Variants in DPF3 observed in about 807,000 individuals in gnomAD.
The protein encoded by DPF3 is zinc finger protein DPF3.
A neutral mutation model predicts 56.8 loss-of-function variants in DPF3; 18 were observed. The ratio of observed to expected loss-of-function variants is 0.32; its 90% confidence interval spans 0.22 to 0.47. The LOEUF (loss-of-function observed/expected upper bound fraction) is 0.47, where lower values mean the gene tolerates loss of function less well. Among genes scored for constraint, DPF3 ranks in the 20% least tolerant of loss-of-function variants. The probability of loss-of-function intolerance (pLI) is 1.00; values close to 1 mark genes in which losing one functional copy is unlikely to be tolerated. For synonymous variants in DPF3, 188 were observed against 180.2 expected (o/e 1.04, Z -0.35); for missense variants, 403 against 488.8 (o/e 0.82, Z 1.65).
At chr14:72,708,672 T>G (rs1888522280) in intron 6 of DPF3, among the ~76,000 whole-genome samples, 1 of 152,164 alleles carries the variant, frequency 6.6e-6, no homozygotes, top group Non-Finnish European at 1.5e-5. Flanking sequence ...CAGGGTAGTT[T>G]GAAAGAGGTT....
intron 1 of DPF3, 110 bp from the exon 2 acceptor site, chr14:72,772,003 A>G: frequency 2.5e-6 from 3 of 1,220,400 alleles, no homozygotes; most frequent in Non-Finnish European, 3.2e-6. Context: ...AAGACCTCCC[A>G]GTTATGAAGA....
chr14:72,670,426 C>T (rs1886618593), intron 8 of DPF3: 2 of 985,876 alleles, frequency 2.0e-6, no homozygotes, highest in South Asian at 4.7e-5. Context: ...CAGGCATAGG[C>T]ACCCCGACTT....
At chr14:72,800,377 A>AATGGATAGATGGATGGATGG (rs1326428990) in intron 1 of DPF3, among the ~76,000 whole-genome samples, 34 of 18,106 alleles carry the variant, frequency 1.9e-3, no homozygotes, top group Admixed American at 4.7e-3. Context: ...TAAATAGATA[A>AATGGATAGATGGATGGATGG]ATGGATGGAT....
intron 2 of DPF3, among the ~76,000 whole-genome samples, chr14:72,770,103 GC>G (rs1891459692): frequency 6.6e-6 from 1 of 152,156 alleles, no homozygotes; most frequent in Non-Finnish European, 1.5e-5. Context: ...ATGAAGGGCT[GC>G]TAACATCAGT....
intron 9 of DPF3, 60 bp from the exon 10 acceptor site, chr14:72,620,044 T>C: frequency 6.8e-7 from 1 of 1,461,536 alleles, no homozygotes; most frequent in South Asian, 1.4e-5. Context: ...GGCCAATGTC[T>C]GGCCCCCGCT....
At chr14:72,742,180 G>A (rs958893365) in intron 3 of DPF3, among the ~76,000 whole-genome samples, 5 of 152,214 alleles carry the variant, frequency 3.3e-5, no homozygotes, top group South Asian at 2.1e-4. Flanking sequence ...CAGAGCTGAC[G>A]AAGCTGCCGG....
intron 1 of DPF3, among the ~76,000 whole-genome samples, chr14:72,859,367 C>A (rs1379196159): frequency 6.6e-6 from 1 of 152,062 alleles, no homozygotes; most frequent in Non-Finnish European, 1.5e-5. Context: ...AAGCTAAGCA[C>A]CCAGCTGGCA....
intron 1 of DPF3, among the ~76,000 whole-genome samples, chr14:72,864,369 C>A (rs750613183): frequency 6.6e-6 from 1 of 152,226 alleles, no homozygotes; most frequent in Non-Finnish European, 1.5e-5. Context: ...TCTGCCACAG[C>A]ATTTACACTT....
chr14:72,633,562 GA>G (rs1421962484), intron 8 of DPF3, among the ~76,000 whole-genome samples: 1 of 152,170 alleles, frequency 6.6e-6, no homozygotes, highest in East Asian at 1.9e-4. Context: ...GAGGTTTCAA[GA>G]AGGAGAAGGT....
chr14:72,796,666 C>T (rs956069333), intron 1 of DPF3, among the ~76,000 whole-genome samples: 2 of 152,120 alleles, frequency 1.3e-5, no homozygotes, highest in African/African-American at 4.8e-5. Context: ...TCATTGAATC[C>T]TAATAACAAC....
intron 1 of DPF3, among the ~76,000 whole-genome samples, chr14:72,785,635 TTTTC>T (rs1376855628): frequency 1.3e-5 from 2 of 152,236 alleles, no homozygotes; most frequent in African/African-American, 4.8e-5. Flanking sequence ...TAGCTATTTC[TTTTC>T]TTTGTGCCTC....
At chr14:72,734,726 G>A (rs1054024640) in intron 3 of DPF3, among the ~76,000 whole-genome samples, 1 of 151,998 alleles carries the variant, frequency 6.6e-6, no homozygotes, top group Non-Finnish European at 1.5e-5. Context: ...GAAAAGTTAA[G>A]TAACCACCAA....
chr14:72,807,921 C>T (rs868438835), intron 1 of DPF3, among the ~76,000 whole-genome samples: 24 of 152,102 alleles, frequency 1.6e-4, no homozygotes, highest in Admixed American at 9.2e-4. Context: ...GTTATGATCA[C>T]GCCACTGCAT....
intron 8 of DPF3, among the ~76,000 whole-genome samples, chr14:72,672,571 C>T (rs546597671): frequency 2.6e-5 from 4 of 152,258 alleles, no homozygotes; most frequent in African/African-American, 7.2e-5. Flanking sequence ...GTGAGAATAC[C>T]TAGGCTGGTA....
chr14:72,711,877 T>C (rs1182140354), intron 6 of DPF3, among the ~76,000 whole-genome samples: 1 of 151,852 alleles, frequency 6.6e-6, no homozygotes, highest in Admixed American at 6.6e-5. Flanking sequence ...CCTCTCTACT[T>C]AGGATGCATT....
At chr14:72,682,197 A>G (rs1887192733) in intron 7 of DPF3, among the ~76,000 whole-genome samples, 1 of 150,410 alleles carries the variant, frequency 6.6e-6, no homozygotes, top group African/African-American at 2.5e-5. Context: ...CTGGGCAACA[A>G]GAGTAAGACT....
At chr14:72,781,447 C>T (rs758042395) in intron 1 of DPF3, among the ~76,000 whole-genome samples, 2 of 152,164 alleles carry the variant, frequency 1.3e-5, no homozygotes, top group Admixed American at 6.5e-5. Flanking sequence ...ATCATGACTT[C>T]GATGTGGCTC....
intron 1 of DPF3, among the ~76,000 whole-genome samples, chr14:72,786,078 T>C (rs1016499424): frequency 6.6e-6 from 1 of 152,004 alleles, no homozygotes; most frequent in Non-Finnish European, 1.5e-5. Flanking sequence ...CCTGGCCAAC[T>C]TGGTGAAACT....
At chr14:72,835,681 C>T (rs1156790274) in intron 1 of DPF3, among the ~76,000 whole-genome samples, 1 of 152,154 alleles carries the variant, frequency 6.6e-6, no homozygotes, top group Non-Finnish European at 1.5e-5. Context: ...CGCTGATGAA[C>T]AGGAGAAGAT....
Sources: gnomAD v4.1 joint callset for allele counts (sites outside exome capture counted in the v4.1 genomes callset) on GRCh38, gnomAD v4.1.1 for gene constraint, MANE v1.5 for transcripts, NCBI Gene and HGNC (gene_info 2026-07-23, HGNC 2026-07-21) for gene names.